Variants in TASP1 observed in about 807,000 individuals in gnomAD.
TASP1 encodes the protein taspase 1.
A neutral mutation model predicts 56.6 loss-of-function variants in TASP1; 16 were observed. The observed-to-expected ratio is 0.28, with a 90% CI of 0.19 to 0.43. The LOEUF (loss-of-function observed/expected upper bound fraction) is 0.43. TASP1 is among the 20% of genes least tolerant of loss of function. The pLI is 1.00. For synonymous variants in TASP1, 179 were observed against 184.2 expected (o/e 0.97, Z 0.23); for missense variants, 393 against 511.6 (o/e 0.77, Z 2.24).
the TASP1 span, among the ~76,000 whole-genome samples, chr20:13,218,475 A>G: frequency 6.6e-6 from 1 of 152,136 alleles, no homozygotes; most frequent in African/African-American, 2.4e-5. Context: ...GAAATGTTCT[A>G]CCACAAAGGT....
chr20:13,184,379 T>C, the TASP1 span, among the ~76,000 whole-genome samples: 1 of 152,330 alleles, frequency 6.6e-6, no homozygotes, highest in East Asian at 1.9e-4. Flanking sequence ...AATTTTTTAA[T>C]ATTGCTTATC....
intron 10 of TASP1, among the ~76,000 whole-genome samples, chr20:13,485,395 T>C (rs1257912206): frequency 6.6e-6 from 1 of 151,964 alleles, no homozygotes; most frequent in Non-Finnish European, 1.5e-5. Flanking sequence ...AATAGAAGAA[T>C]GGGAATTCTG....
At chr20:13,463,322 A>T (rs950389311) in intron 11 of TASP1, among the ~76,000 whole-genome samples, 1 of 152,136 alleles carries the variant, frequency 6.6e-6, no homozygotes, top group Non-Finnish European at 1.5e-5. Context: ...CATGCAAAGG[A>T]ATTAAGTTGG....
chr20:13,483,610 T>C (rs1041783448), intron 10 of TASP1, among the ~76,000 whole-genome samples: 2 of 152,192 alleles, frequency 1.3e-5, no homozygotes, highest in East Asian at 1.9e-4. Context: ...TTGACTGGTG[T>C]TAGGCACTAA....
intron 4 of TASP1, chr20:13,614,671 G>A: frequency 2.8e-6 from 1 of 357,756 alleles, no homozygotes; most frequent in South Asian, 2.4e-5. Flanking sequence ...CATCACAACA[G>A]TTTTCACATT....
chr20:13,402,585 C>T lies in TASP1; in HGVS notation c.1171-12133G>A, dbSNP rs138688824. Among the ~76,000 whole-genome samples, 177 of 152,258 alleles carry T rather than the reference C, an allele frequency of 1.2e-3. 1 individual carries two copies. The highest frequency in any genetic ancestry group is 3.4e-3 in the Middle Eastern group (1 of 294). Reference sequence around the variant, plus strand: ...ATTGGTGGCGCCTCAACTACCATCCCGAGGCAGTTGGCTTCCCGCCAGGGA... The same window carrying T: ...ATTGGTGGCGCCTCAACTACCATCCTGAGGCAGTTGGCTTCCCGCCAGGGA... On this transcript the variant is annotated intron_variant, in intron 13 of 13. Transcript: ENST00000337743.
At chr20:13,582,364 A>C (rs2047159042) in intron 5 of TASP1, among the ~76,000 whole-genome samples, 1 of 151,022 alleles carries the variant, frequency 6.6e-6, no homozygotes, top group East Asian at 1.9e-4. Flanking sequence ...TAACTTATAA[A>C]TTGGATTTAT....
At chr20:13,144,455 A>G in the TASP1 span, among the ~76,000 whole-genome samples, 1 of 152,226 alleles carries the variant, frequency 6.6e-6, no homozygotes, top group Non-Finnish European at 1.5e-5. Flanking sequence ...TTAACAGATC[A>G]GTAAATTGAG....
At chr20:13,509,316 C>T (rs1322457149) in intron 10 of TASP1, among the ~76,000 whole-genome samples, 1 of 151,998 alleles carries the variant, frequency 6.6e-6, no homozygotes, top group Non-Finnish European at 1.5e-5. Flanking sequence ...CTTATAGAAA[C>T]AGAGAATAGA....
intron 10 of TASP1, among the ~76,000 whole-genome samples, chr20:13,525,030 T>C (rs1160608353): frequency 6.6e-6 from 1 of 152,180 alleles, no homozygotes; most frequent in Admixed American, 6.5e-5. Context: ...CCTAATTCTA[T>C]ATTTTCCTGT....
chr20:13,583,135 C>T (rs969129140), intron 5 of TASP1, among the ~76,000 whole-genome samples: 3 of 152,226 alleles, frequency 2.0e-5, no homozygotes, highest in African/African-American at 7.2e-5. Context: ...CACTCCTCAG[C>T]CCCATAGGCA....
At chr20:13,228,187 G>A in the TASP1 span, among the ~76,000 whole-genome samples, 13 of 151,310 alleles carry the variant, frequency 8.6e-5, no homozygotes, top group African/African-American at 3.2e-4. Context: ...TGGCCAGGCT[G>A]GTCTCGAACT....
chr20:13,391,983 A>G (rs1171927193), intron 13 of TASP1, among the ~76,000 whole-genome samples: 30 of 151,532 alleles, frequency 2.0e-4, no homozygotes, highest in African/African-American at 7.3e-4. Context: ...AAAAAAAAAA[A>G]AGAAAGAAAG....
At chr20:13,638,725 G>A (rs2049406090) in intron 1 of TASP1, among the ~76,000 whole-genome samples, 169 bp downstream of exon 1, 1 of 152,146 alleles carries the variant, frequency 6.6e-6, no homozygotes, top group African/African-American at 2.4e-5. Context: ...AGGGAACTAG[G>A]GACATCCTGG....
chr20:13,328,801 G>GT, the TASP1 span, among the ~76,000 whole-genome samples: 1 of 137,664 alleles, frequency 7.3e-6, no homozygotes, highest in African/African-American at 2.7e-5. Context: ...ACTGGGACCT[G>GT]TAGGAGGGTG....
At chr20:13,148,441 T>C in the TASP1 span, among the ~76,000 whole-genome samples, 5 of 152,134 alleles carry the variant, frequency 3.3e-5, no homozygotes, top group African/African-American at 1.2e-4. Flanking sequence ...ACAGGGAGGT[T>C]GATCTTAAGA....
the TASP1 span, among the ~76,000 whole-genome samples, chr20:13,250,339 G>A: frequency 7.3e-3 from 1,106 of 152,318 alleles, 10 homozygotes; most frequent in Middle Eastern, 0.014. Context: ...AAACTCCTTT[G>A]ATAAGGCTCA....
chr20:13,211,689 G>T, the TASP1 span, among the ~76,000 whole-genome samples: 3 of 152,058 alleles, frequency 2.0e-5, no homozygotes, highest in African/African-American at 7.2e-5. Flanking sequence ...GAGGCTGTTG[G>T]CTTGGCCTGA....
chr20:13,293,220 A>G, the TASP1 span, among the ~76,000 whole-genome samples: 20 of 152,202 alleles, frequency 1.3e-4, no homozygotes, highest in African/African-American at 4.3e-4. Context: ...AAAAAAAAAA[A>G]AAAAAGAATT....
Sources: gnomAD v4.1 joint callset for allele counts (sites outside exome capture counted in the v4.1 genomes callset) on GRCh38, gnomAD v4.1.1 for gene constraint, MANE v1.5 for transcripts, NCBI Gene and HGNC (gene_info 2026-07-23, HGNC 2026-07-21) for gene names.